The following SULF2 variants were observed in gnomAD, a reference collection of about 807,000 sequenced individuals.
SULF2 encodes the protein sulfatase 2.
Under a neutral mutation model 107.7 loss-of-function variants are expected in SULF2, and 52 were observed. The observed-to-expected ratio is 0.48, with a 90% CI of 0.39 to 0.61. The LOEUF (loss-of-function observed/expected upper bound fraction) is 0.61. SULF2 is among the 20% of genes least tolerant of loss of function. The pLI is 0.00. For missense variants in SULF2, 993 were observed against 1,177.3 expected (o/e 0.84, Z 2.29); for synonymous variants, 460 against 464.3 (o/e 0.99, Z 0.12).
chr20:47,673,629 C>T (rs928267032), intron 10 of SULF2, among the ~76,000 whole-genome samples: 1 of 152,224 alleles, frequency 6.6e-6, no homozygotes, highest in Non-Finnish European at 1.5e-5. Context: ...TCACAGCGCC[C>T]TGCCACCCTC....
At chr20:47,722,619 G>A (rs983842716) in intron 3 of SULF2, among the ~76,000 whole-genome samples, 3 of 152,066 alleles carry the variant, frequency 2.0e-5, no homozygotes, top group African/African-American at 4.8e-5. Flanking sequence ...TGGATGGGCA[G>A]CAAACAAAAC....
intron 11 of SULF2, among the ~76,000 whole-genome samples, chr20:47,669,940 A>T (rs1238203585): frequency 1.3e-5 from 2 of 152,200 alleles, no homozygotes; most frequent in African/African-American, 4.8e-5. Context: ...TCTGGAAACC[A>T]ATCATTCTGT....
At chr20:47,724,198 G>C (rs2089373608) in intron 3 of SULF2, among the ~76,000 whole-genome samples, 2 of 152,252 alleles carry the variant, frequency 1.3e-5, no homozygotes, top group Non-Finnish European at 1.5e-5. Context: ...TTTTCAGCCG[G>C]AAGTGATGTG....
At chr20:47,746,981 A>AT (rs1491222108) in intron 2 of SULF2, among the ~76,000 whole-genome samples, 8 of 49,902 alleles carry the variant, frequency 1.6e-4, no homozygotes, top group South Asian at 1.1e-3. Context: ...ACTTAAATAA[A>AT]TAAAAAAAAA....
rs746268843 is a variant in SULF2, at chr20:47,663,523, C to T, written c.2157G>A (p.Thr719=). Residue 719 remains threonine, a synonymous_variant, in exon 16 of 21, where the codon ACG becomes ACA. Coordinates refer to ENST00000688720, the MANE Select transcript of SULF2 (RefSeq NM_001387048.1). The part of the protein sequence containing the change: ...KLLKRLQNND[T]CSMPGLTCFT... ...AGCACGTGAGGCCTGGCATGCTGCA[C>T]GTGTCGTTGTTCTGCAGGCGCTTGA... 1.2e-5 allele frequency: 19 copies of T among 1,612,768 alleles called. No homozygotes were observed. The highest frequency in any genetic ancestry group is 8.8e-5 in the South Asian group (8 of 91,094).
At chr20:47,747,820 G>A (rs570167667) in intron 2 of SULF2, among the ~76,000 whole-genome samples, 25 of 151,864 alleles carry the variant, frequency 1.6e-4, no homozygotes, top group African/African-American at 5.8e-4. Flanking sequence ...AAAAACCTAG[G>A]AGTCATCCCC....
At chr20:47,683,817 G>A (rs1294446037) in intron 6 of SULF2, among the ~76,000 whole-genome samples, 1 of 152,258 alleles carries the variant, frequency 6.6e-6, no homozygotes, top group Non-Finnish European at 1.5e-5. Context: ...AACAGGGAAT[G>A]AGGGGGACTG....
At chr20:47,742,141 C>T (rs2089899211) in intron 2 of SULF2, among the ~76,000 whole-genome samples, 1 of 152,218 alleles carries the variant, frequency 6.6e-6, no homozygotes, top group South Asian at 2.1e-4. Flanking sequence ...GGACAGTAAC[C>T]TGCTTTATTA....
chr20:47,777,749 C>T (rs772319944), intron 1 of SULF2, among the ~76,000 whole-genome samples: 7 of 152,172 alleles, frequency 4.6e-5, no homozygotes, highest in Admixed American at 2.6e-4. Context: ...TGGATAGTAT[C>T]TGTCTCGAGA....
intron 3 of SULF2, among the ~76,000 whole-genome samples, chr20:47,724,001 T>TG (rs1000566645): frequency 1.1e-4 from 16 of 152,070 alleles, no homozygotes; most frequent in Non-Finnish European, 2.2e-4. Flanking sequence ...ACAAAGGGCC[T>TG]GGGGCAGGAA....
At chr20:47,729,857 G>A (rs1329227011) in intron 3 of SULF2, among the ~76,000 whole-genome samples, 2 of 152,208 alleles carry the variant, frequency 1.3e-5, no homozygotes, top group African/African-American at 4.8e-5. Context: ...GCATTGCAGA[G>A]GAGGACGGCC....
intron 2 of SULF2, among the ~76,000 whole-genome samples, chr20:47,753,703 C>A (rs1372205759): frequency 6.6e-6 from 1 of 152,230 alleles, no homozygotes; most frequent in Non-Finnish European, 1.5e-5. Flanking sequence ...AACTGGGATG[C>A]TGCAAAAATT....
In SULF2 at chr20:47,672,084, A is replaced by G. The variant is rs952627181; in HGVS notation, c.1576+114T>C. 9.4e-6 allele frequency: 11 copies of G among 1,165,208 alleles called. No homozygotes were observed. In the Admixed American group the frequency reaches 2.6e-4, roughly 27 times the overall value. 72.2% of individuals were successfully genotyped at this position (1,165,208 alleles called of 1,614,324 possible). A position where few individuals can be genotyped will look rare whatever the true frequency, so the allele number is the denominator to read the frequency against. ...AGATGTGGCTGTGTCCCCAGCCCCT[A>G]GATCACCACCTGGCAAAGTGACAGT... On this transcript the variant is annotated intron_variant, in intron 11 of 20. Coordinates refer to ENST00000688720, the MANE Select transcript of SULF2 (RefSeq NM_001387048.1).
chr20:47,695,768 A>G (rs910664419), intron 4 of SULF2, among the ~76,000 whole-genome samples: 3 of 152,244 alleles, frequency 2.0e-5, no homozygotes, highest in African/African-American at 7.2e-5. Flanking sequence ...ATGTGCCACC[A>G]TGTCCAGCTA....
intron 2 of SULF2, among the ~76,000 whole-genome samples, chr20:47,750,230 T>C (rs563623447): frequency 3.3e-5 from 5 of 152,316 alleles, no homozygotes; most frequent in African/African-American, 1.2e-4. Flanking sequence ...TCCGCGTGCC[T>C]TGGCCTCCCA....
chr20:47,724,644 C>A (rs2089388098), intron 3 of SULF2, among the ~76,000 whole-genome samples: 1 of 152,196 alleles, frequency 6.6e-6, no homozygotes. Flanking sequence ...TGCTGAGTCA[C>A]CACGAGGACA....
chr20:47,737,722 G>A (rs977877891), intron 2 of SULF2, among the ~76,000 whole-genome samples: 3 of 149,648 alleles, frequency 2.0e-5, no homozygotes, highest in South Asian at 2.1e-4. Flanking sequence ...TCGAGGTTTC[G>A]GTCATGCCTG....
chr20:47,675,091 GC>G (rs762630090), intron 10 of SULF2, among the ~76,000 whole-genome samples: 3 of 152,218 alleles, frequency 2.0e-5, no homozygotes, highest in Non-Finnish European at 4.4e-5. Context: ...CATTCTGGCT[GC>G]CCAAGCCCTG....
chr20:47,749,198 A>T (rs1280893415), intron 2 of SULF2, among the ~76,000 whole-genome samples: 1 of 152,192 alleles, frequency 6.6e-6, no homozygotes, highest in East Asian at 1.9e-4. Flanking sequence ...ATAACCTTGA[A>T]GCCACCAAGC....
Sources: gnomAD v4.1 joint callset for allele counts (sites outside exome capture counted in the v4.1 genomes callset) on GRCh38, gnomAD v4.1.1 for gene constraint, MANE v1.5 for transcripts, NCBI Gene and HGNC (gene_info 2026-07-23, HGNC 2026-07-21) for gene names.